Variants in PTPRS observed in about 807,000 individuals in gnomAD.
PTPRS encodes receptor-type tyrosine-protein phosphatase S.
PTPRS carries 63 observed loss-of-function variants against 215.3 expected under a neutral mutation model. That is an observed-to-expected ratio of 0.29 (90% CI 0.24 to 0.36). The LOEUF is 0.36. Ranked by LOEUF, PTPRS falls within the 10% of genes least tolerant of loss-of-function variation. PTPRS has a pLI of 1.00. For synonymous variants in PTPRS, 1,404 were observed against 1,191.4 expected (o/e 1.18, Z -3.68); for missense variants, 2,258 against 2,825.8 (o/e 0.80, Z 4.56).
intron 26 of PTPRS, among the ~76,000 whole-genome samples, chr19:5,216,287 T>C (rs1315478008): frequency 6.6e-6 from 1 of 152,046 alleles, no homozygotes; most frequent in Non-Finnish European, 1.5e-5. Context: ...CCCTTCCCGA[T>C]ATCTGGGTCT....
At chr19:5,260,460 G>A (rs1042567105) in intron 7 of PTPRS, among the ~76,000 whole-genome samples, 7 of 152,162 alleles carry the variant, frequency 4.6e-5, no homozygotes, top group South Asian at 2.1e-4. Context: ...GATTACAGGC[G>A]TGAACCACCG....
At chr19:5,252,548 G>C (rs375558537) in intron 9 of PTPRS, among the ~76,000 whole-genome samples, 9 of 129,406 alleles carry the variant, frequency 7.0e-5, no homozygotes, top group African/African-American at 2.4e-4. Context: ...CTGTACTTCA[G>C]CCTGGGCAAC....
intron 2 of PTPRS, among the ~76,000 whole-genome samples, chr19:5,276,789 G>A (rs1025056922): frequency 4.6e-4 from 69 of 151,624 alleles, no homozygotes; most frequent in African/African-American, 1.5e-3. Flanking sequence ...TGATCCGCCC[G>A]CCTCAGTCTC....
intron 4 of PTPRS, among the ~76,000 whole-genome samples, chr19:5,266,707 TTC>T (rs1253234115): frequency 1.3e-5 from 2 of 152,114 alleles, no homozygotes; most frequent in Non-Finnish European, 2.9e-5. Context: ...CTGTACACCC[TTC>T]TGTGGTCCGG....
intron 25 of PTPRS, among the ~76,000 whole-genome samples, chr19:5,217,285 G>A (rs77802912): frequency 0.024 from 3,726 of 152,326 alleles, 168 homozygotes; most frequent in African/African-American, 0.084. Context: ...GCACATTAGC[G>A]GTGAATTGTG....
At position 5,286,039 on chromosome 19, in the gene PTPRS, C is replaced by A. The variant is rs747293200; in HGVS notation, c.91+11G>T. On this transcript the variant is annotated intron_variant, in intron 2 of 37. Coordinates refer to ENST00000262963, the MANE Select transcript of PTPRS (RefSeq NM_002850.4). ...ACGCAGACCCCTGCACATCCCGTGC[C>A]GGCTTCTTACCTTCTGCTGCACAGC... The A allele has an allele frequency of 1.9e-6, 3 of 1,610,774 alleles. No individual in the cohort carries two copies. The highest frequency in any genetic ancestry group is 2.7e-5 in the African/African-American group (2 of 74,974).
In PTPRS at chr19:5,307,738, T is replaced by C. The variant is rs557848002; in HGVS notation, c.-94-21504A>G. Among the ~76,000 whole-genome samples, 10 of 152,346 alleles carry C rather than the reference T, an allele frequency of 6.6e-5. No individual in the cohort carries two copies. The South Asian group carries it at 2.1e-3, about 32-fold the overall frequency. On this transcript the variant is annotated intron_variant, in intron 1 of 37. Coordinates refer to ENST00000262963, the MANE Select transcript of PTPRS (RefSeq NM_002850.4). ...AGTTCCTCGGTTGCACTGGACACAT[T>C]TCAAACGCTCAATAGCCACATTCGG...
intron 1 of PTPRS, among the ~76,000 whole-genome samples, chr19:5,286,821 C>T (rs753494571): frequency 2.6e-5 from 4 of 152,018 alleles, no homozygotes; most frequent in Admixed American, 6.6e-5. Context: ...CCAGGCTGGG[C>T]CCCTGACTCA....
At chr19:5,216,106 A>C (rs2041419681) in intron 26 of PTPRS, among the ~76,000 whole-genome samples, 1 of 152,080 alleles carries the variant, frequency 6.6e-6, no homozygotes. Context: ...GCGACAGACT[A>C]GGGAGGGGAA....
chr19:5,229,465 C>A (rs756732708), intron 15 of PTPRS, 26 bp downstream of exon 15: 6 of 1,388,310 alleles, frequency 4.3e-6, no homozygotes, highest in Middle Eastern at 2.6e-4. Flanking sequence ...AGCCCGTCCC[C>A]GGCCCCGCCC....
Position 5,287,484 on chromosome 19 carries a change from CAGA to C in PTPRS, c.-94-1253_-94-1251del, listed in dbSNP as rs1457137633. ...CCATCTCCCCAATCTCCACTCTGTC[CAGA>C]GCCAGGTCAGAGGGCCAGGGAGGGG... On this transcript the variant is annotated intron_variant, in intron 1 of 37. Transcript: ENST00000262963. This position sits in a 1 kb window ranked among gnomAD's most constrained non-coding sequence, Gnocchi z 4.8. Among the ~76,000 whole-genome samples the C allele has an allele frequency of 1.3e-5, 2 of 152,192 alleles. No individual in the cohort carries two copies. Among genetic ancestry groups the C allele is most frequent in the Non-Finnish European group, 2.9e-5 (2 of 68,028 alleles).
chr19:5,316,942 G>A (rs1444678424), intron 1 of PTPRS, among the ~76,000 whole-genome samples: 1 of 152,180 alleles, frequency 6.6e-6, no homozygotes, highest in African/African-American at 2.4e-5. Flanking sequence ...CTGCCCCACT[G>A]CCCCGGGATT....
intron 2 of PTPRS, chr19:5,277,622 C>G: frequency 2.7e-6 from 1 of 376,294 alleles, no homozygotes; most frequent in South Asian, 2.4e-5. Context: ...CGCCACCGCA[C>G]TCCAGCCTGG....
rs2049100222 is a variant in PTPRS at position 5,295,214 on chromosome 19, G to A, written c.-94-8980C>T. The stretch of plus-strand genomic sequence containing the variant: ...TGCCACATAAGCCAAGCACTGAACA[G>A]GTGCTCAATGAATCCACACTGTCAG... On this transcript the variant is annotated intron_variant, in intron 1 of 37. Coordinates refer to ENST00000262963, the MANE Select transcript of PTPRS (RefSeq NM_002850.4). The surrounding 1 kb of genome is among the most constrained non-coding windows in gnomAD (Gnocchi z 4.6). 6.6e-6 allele frequency among the ~76,000 whole-genome samples: 1 copy of A among 152,178 alleles called. No individual in the cohort carries two copies. Among genetic ancestry groups the A allele is most frequent in the Non-Finnish European group, 1.5e-5 (1 of 67,970 alleles).
chr19:5,227,573 C>T (rs897059763), intron 16 of PTPRS, among the ~76,000 whole-genome samples: 3 of 151,998 alleles, frequency 2.0e-5, no homozygotes, highest in Admixed American at 6.6e-5. Flanking sequence ...CGCCACCACG[C>T]CTGGTTTTGT....
At chr19:5,248,134 G>A (rs1416010322) in intron 9 of PTPRS, among the ~76,000 whole-genome samples, 3 of 151,900 alleles carry the variant, frequency 2.0e-5, no homozygotes, top group Admixed American at 6.6e-5. Context: ...CAGGCCAGCC[G>A]CCGGCACCCA....
At chr19:5,274,690 T>G (rs376366783) in intron 2 of PTPRS, among the ~76,000 whole-genome samples, 1 of 151,708 alleles carries the variant, frequency 6.6e-6, no homozygotes, top group Non-Finnish European at 1.5e-5. Context: ...CTGGGAAAGA[T>G]GGAAGGGGAA....
Position 5,222,762 on chromosome 19 carries a change from C to T in PTPRS, c.3030G>A (p.Val1010=), listed in dbSNP as rs774797355. 8.8e-6 allele frequency: 14 copies of T among 1,599,112 alleles called. No homozygotes were observed. Among genetic ancestry groups the T allele is most frequent in the African/African-American group, 1.3e-5 (1 of 74,880 alleles). The part of the protein sequence containing the change: ...LKPDTAYDLQ[V]RAHTRRGPGP... ...CAGGGCCCCGGCGCGTGTGGGCTCG[C>T]ACTTGGAGGTCATAGGCCGTGTCGG... The change falls in exon 18 of 38, where the codon GTG becomes GTA. Residue 1010 remains valine, a synonymous_variant. Transcript: ENST00000262963.
Position 5,240,186 on chromosome 19 carries a change from C to G in PTPRS, c.1704+13G>C. 1 of 1,528,974 alleles carries G rather than the reference C, an allele frequency of 6.5e-7. No homozygotes were observed. Among genetic ancestry groups the G allele is most frequent in the Non-Finnish European group, 8.8e-7 (1 of 1,137,056 alleles). 94.7% of individuals were successfully genotyped at this position (1,528,974 alleles called of 1,614,324 possible). On this transcript the variant is annotated intron_variant, in intron 12 of 37. Coordinates refer to ENST00000262963, the MANE Select transcript of PTPRS (RefSeq NM_002850.4). Reference sequence around the variant, plus strand: ...AGCCCAGGGCAGGCCAGCCCGTCCCCGCGCTGCCTCACCTCCCGGCCATGG... The same window carrying G: ...AGCCCAGGGCAGGCCAGCCCGTCCCGGCGCTGCCTCACCTCCCGGCCATGG...
Sources: gnomAD v4.1 joint callset for allele counts (sites outside exome capture counted in the v4.1 genomes callset) on GRCh38, gnomAD v4.1.1 for gene constraint, Gnocchi (gnomAD v3.1) non-coding constraint, MANE v1.5 for transcripts, NCBI Gene and HGNC (gene_info 2026-07-23, HGNC 2026-07-21) for gene names.